GALNT17: variants seen among roughly 807,000 people sequenced by gnomAD.
The protein encoded by GALNT17 is UDP-GalNAc:polypeptide N-acetylgalactosaminyltransferase-like 3.
Under a neutral mutation model 63.7 loss-of-function variants are expected in GALNT17, and 29 were observed. The observed-to-expected ratio is 0.46, with a 90% CI of 0.34 to 0.62. The LOEUF (loss-of-function observed/expected upper bound fraction) is 0.62, where lower values mean the gene tolerates loss of function less well. Ranked by LOEUF, GALNT17 falls within the 20% of genes least tolerant of loss-of-function variation. GALNT17 has a pLI of 0.01. For missense variants in GALNT17, 603 were observed against 799.6 expected (o/e 0.75, Z 2.97); for synonymous variants, 305 against 318.3 (o/e 0.96, Z 0.45).
rs548582857 is a variant in GALNT17 at position 71,159,336 on chromosome 7, G to A, written c.238+26296G>A. ...ACATTGTATCCTAGACTTGGAGAAG[G>A]CAAAGTTGTGGTATGATAAGCCGAA... On this transcript the variant is annotated intron_variant, in intron 1 of 10. Coordinates refer to ENST00000333538, the MANE Select transcript of GALNT17 (RefSeq NM_022479.3). 3.3e-5 allele frequency among the ~76,000 whole-genome samples: 5 copies of A among 151,798 alleles called. No individual in the cohort carries two copies. The South Asian group carries it at 8.3e-4, about 25-fold the overall frequency.
intron 6 of GALNT17, among the ~76,000 whole-genome samples, chr7:71,637,384 C>T (rs1790542703): frequency 6.6e-6 from 1 of 151,944 alleles, no homozygotes; most frequent in Non-Finnish European, 1.5e-5. Flanking sequence ...AGGATTTCAC[C>T]ATGTTGGCCA....
At chr7:71,499,491 TAGTAC>T (rs1348837158) in intron 5 of GALNT17, among the ~76,000 whole-genome samples, 1 of 152,186 alleles carries the variant, frequency 6.6e-6, no homozygotes, top group African/African-American at 2.4e-5. Context: ...AACCTGAACC[TAGTAC>T]AGTAAAGTGT....
chr7:71,425,396 G>A (rs1436480298), intron 5 of GALNT17, among the ~76,000 whole-genome samples: 1 of 151,954 alleles, frequency 6.6e-6, no homozygotes, highest in Non-Finnish European at 1.5e-5. Flanking sequence ...CTAATTTTTT[G>A]TATTTTTAGT....
chr7:71,303,328 T>A (rs755344416), intron 1 of GALNT17, among the ~76,000 whole-genome samples: 100 of 151,896 alleles, frequency 6.6e-4, no homozygotes, highest in Non-Finnish European at 1.2e-3. Context: ...TAATTTATAT[T>A]TTTTTTTGTA....
chr7:71,154,639 C>T (rs10950246), intron 1 of GALNT17, among the ~76,000 whole-genome samples: 50,620 of 151,904 alleles, frequency 0.33, 8,829 homozygotes, highest in Middle Eastern at 0.38. Context: ...TGCGGTGGCA[C>T]GATCTCGGCT....
intron 6 of GALNT17, among the ~76,000 whole-genome samples, chr7:71,580,483 C>A (rs1317530836): frequency 6.6e-6 from 1 of 152,054 alleles, no homozygotes; most frequent in Non-Finnish European, 1.5e-5. Flanking sequence ...TTACTTACCA[C>A]CCTTGAGGGG....
intron 10 of GALNT17, among the ~76,000 whole-genome samples, chr7:71,711,508 TCTCTCTCTCC>T (rs562545643): frequency 6.9e-4 from 104 of 151,602 alleles, no homozygotes; most frequent in Middle Eastern, 3.4e-3. Context: ...TATTGCACTC[TCTCTCTCTCC>T]CTCTCTCTCC....
intron 1 of GALNT17, among the ~76,000 whole-genome samples, chr7:71,147,813 A>G (rs892352046): frequency 6.6e-6 from 1 of 151,938 alleles, no homozygotes; most frequent in African/African-American, 2.4e-5. Flanking sequence ...TTGTATTTTT[A>G]GTAGAGATGA....
At chr7:71,666,442 G>T (rs1262791774) in intron 7 of GALNT17, among the ~76,000 whole-genome samples, 1 of 151,458 alleles carries the variant, frequency 6.6e-6, no homozygotes, top group Admixed American at 6.6e-5. Context: ...GGGTACAGGT[G>T]GTATTTGGTT....
rs201497862 is a variant in GALNT17, at chr7:71,298,520, C to T, written c.239-37030C>T. ...GGACGCGAGTCTTACACTGTGGCAT[C>T]TGCTCCTTTTTCTTTCTGGTTCAGA... On this transcript the variant is annotated intron_variant, in intron 1 of 10. Coordinates refer to ENST00000333538, the MANE Select transcript of GALNT17 (RefSeq NM_022479.3). 9.2e-5 allele frequency among the ~76,000 whole-genome samples: 14 copies of T among 152,296 alleles called. No homozygotes were observed. In the East Asian group the frequency reaches 2.5e-3, roughly 27 times the overall value.
intron 1 of GALNT17, among the ~76,000 whole-genome samples, chr7:71,292,107 T>G (rs1216161793): frequency 6.6e-6 from 1 of 152,236 alleles, no homozygotes; most frequent in East Asian, 1.9e-4. Context: ...ATTTTCTTCT[T>G]GAACTAATAA....
At chr7:71,702,312 A>T (rs183997835) in intron 9 of GALNT17, among the ~76,000 whole-genome samples, 1 of 152,170 alleles carries the variant, frequency 6.6e-6, no homozygotes, top group Non-Finnish European at 1.5e-5. Context: ...AAGATACCTA[A>T]AGGAAGAGTA....
At chr7:71,387,716 G>T (rs1792972191) in intron 2 of GALNT17, among the ~76,000 whole-genome samples, 1 of 152,160 alleles carries the variant, frequency 6.6e-6, no homozygotes, top group South Asian at 2.1e-4. Context: ...GGAGGGGCTG[G>T]AGTCAGAAGT....
intron 1 of GALNT17, among the ~76,000 whole-genome samples, chr7:71,290,252 G>A (rs955547887): frequency 6.6e-6 from 1 of 152,190 alleles, no homozygotes; most frequent in Non-Finnish European, 1.5e-5. Flanking sequence ...GGTGCCAAGA[G>A]TGTTTTATAC....
At position 71,138,252 on chromosome 7, in the gene GALNT17, G is replaced by A. The variant is rs556231844; in HGVS notation, c.238+5212G>A. On this transcript the variant is annotated intron_variant, in intron 1 of 10. Coordinates refer to ENST00000333538, the MANE Select transcript of GALNT17 (RefSeq NM_022479.3). Reference sequence around the variant, plus strand: ...CTTCAGGAGGCTGAGGTGGGAGGATGTTTTGAGCCTAGGAGTTCGAGGCTA... The same window carrying A: ...CTTCAGGAGGCTGAGGTGGGAGGATATTTTGAGCCTAGGAGTTCGAGGCTA... Among the ~76,000 whole-genome samples, 4 of 152,162 alleles carry A rather than the reference G, an allele frequency of 2.6e-5. No individual in the cohort carries two copies. The South Asian group carries it at 8.3e-4, about 32-fold the overall frequency.
chr7:71,434,440 C>T (rs1786923039), intron 5 of GALNT17, among the ~76,000 whole-genome samples: 1 of 152,132 alleles, frequency 6.6e-6, no homozygotes, highest in South Asian at 2.1e-4. Flanking sequence ...AGGTTGAAGA[C>T]TGGTACTTTT....
At chr7:71,322,336 A>G (rs1471910339) in intron 1 of GALNT17, among the ~76,000 whole-genome samples, 1 of 152,206 alleles carries the variant, frequency 6.6e-6, no homozygotes, top group Non-Finnish European at 1.5e-5. Flanking sequence ...TCCAGGAAGT[A>G]TAAAGTTCAT....
Position 71,135,049 on chromosome 7 carries a change from G to T in GALNT17, c.238+2009G>T, listed in dbSNP as rs561925964. Among the ~76,000 whole-genome samples the T allele has an allele frequency of 1.1e-4, 17 of 151,900 alleles. No homozygotes were observed. The East Asian group carries it at 3.1e-3, about 28-fold the overall frequency. On this transcript the variant is annotated intron_variant, in intron 1 of 10. Coordinates refer to ENST00000333538, the MANE Select transcript of GALNT17 (RefSeq NM_022479.3). ...TAATTTTTTGTAGACACAGGGTCTT[G>T]CTAGGTTGTCCAGGCTGGTCTCGAA... is the stretch of plus-strand genomic sequence containing the variant.
chr7:71,359,817 C>G (rs568721317), intron 2 of GALNT17, among the ~76,000 whole-genome samples: 1 of 152,136 alleles, frequency 6.6e-6, no homozygotes, highest in Non-Finnish European at 1.5e-5. Flanking sequence ...CTCCTGACCT[C>G]AGGTGATCCA....
Sources: gnomAD v4.1 joint callset for allele counts (sites outside exome capture counted in the v4.1 genomes callset) on GRCh38, gnomAD v4.1.1 for gene constraint, MANE v1.5 for transcripts, NCBI Gene and HGNC (gene_info 2026-07-23, HGNC 2026-07-21) for gene names.